Variants in PEBP4 observed in about 807,000 individuals in gnomAD.
PEBP4 encodes the protein phosphatidylethanolamine-binding protein 4.
A neutral mutation model predicts 23.9 loss-of-function variants in PEBP4; 22 were observed. The ratio of observed to expected loss-of-function variants is 0.92; its 90% CI spans 0.66 to 1.31. The LOEUF (loss-of-function observed/expected upper bound fraction) is 1.31. Ranked by LOEUF, PEBP4 falls within the 40% of genes most tolerant of loss-of-function variation. PEBP4 has a pLI of 0.00. For synonymous variants in PEBP4, 112 were observed against 99.3 expected, an observed-to-expected ratio of 1.13 and a Z score of -0.76; for missense variants, 324 against 281.7, an observed-to-expected ratio of 1.15 and a Z score of -1.07.
intron 6 of PEBP4, among the ~76,000 whole-genome samples, chr8:22,723,795 C>G (rs1023802924): frequency 3.9e-5 from 6 of 152,196 alleles, no homozygotes; most frequent in African/African-American, 1.4e-4. Context: ...GGCCTGGAGC[C>G]CTCTGTGATA....
chr8:22,725,506 G>A (rs1194669436), intron 5 of PEBP4, among the ~76,000 whole-genome samples: 2 of 152,060 alleles, frequency 1.3e-5, no homozygotes, highest in Admixed American at 1.3e-4. Context: ...GGGGCATCAG[G>A]GAGAAGTTCC....
rs183116989 is a variant in PEBP4 at position 22,763,332 on chromosome 8, C to G, written c.358-36112G>C. On this transcript the variant is annotated intron_variant, in intron 4 of 6. Coordinates refer to ENST00000256404, the MANE Select transcript of PEBP4 (RefSeq NM_144962.3). The stretch of plus-strand genomic sequence containing the variant: ...AAGAAGTCTTAAACCCCTTGGGTTT[C>G]TTCTTGAATCCCACTCCACAATATC... 1.4e-3 allele frequency among the ~76,000 whole-genome samples: 211 copies of G among 152,340 alleles called. 1 individual carries two copies. The highest frequency in any genetic ancestry group is 2.3e-3 in the Non-Finnish European group (157 of 68,024).
intron 4 of PEBP4, among the ~76,000 whole-genome samples, chr8:22,804,789 C>T (rs768304199): frequency 2.0e-5 from 3 of 152,110 alleles, no homozygotes; most frequent in Non-Finnish European, 2.9e-5. Context: ...GTTAGAACCT[C>T]CATCCTTCCT....
At chr8:22,827,506 T>C (rs1429270239) in intron 3 of PEBP4, among the ~76,000 whole-genome samples, 1 of 152,208 alleles carries the variant, frequency 6.6e-6, no homozygotes, top group Non-Finnish European at 1.5e-5. Context: ...TGTTTTTTTT[T>C]GTGTTGGCAT....
chr8:22,939,363 T>G (rs1809579821), intron 1 of PEBP4, among the ~76,000 whole-genome samples: 1 of 151,938 alleles, frequency 6.6e-6, no homozygotes, highest in South Asian at 2.1e-4. Flanking sequence ...AGCCCTTCAA[T>G]GAAAAGGAAA....
chr8:22,800,844 C>T (rs1296612638), intron 4 of PEBP4, among the ~76,000 whole-genome samples: 2 of 152,160 alleles, frequency 1.3e-5, no homozygotes, highest in African/African-American at 4.8e-5. Context: ...TGCCAGTTTC[C>T]TTTCTTACAT....
intron 6 of PEBP4, among the ~76,000 whole-genome samples, chr8:22,717,462 A>G (rs966048633): frequency 1.0e-4 from 6 of 57,956 alleles, no homozygotes; most frequent in African/African-American, 4.0e-4. Context: ...ATGTATTTCC[A>G]TCCTGATGTA....
intron 4 of PEBP4, among the ~76,000 whole-genome samples, chr8:22,742,238 C>T (rs1038431432): frequency 6.6e-6 from 1 of 152,238 alleles, no homozygotes; most frequent in African/African-American, 2.4e-5. Flanking sequence ...AAGCAAGGGG[C>T]CTTTAATGAA....
chr8:22,716,569 G>T (rs1156494778), intron 6 of PEBP4, among the ~76,000 whole-genome samples: 1 of 152,216 alleles, frequency 6.6e-6, no homozygotes, highest in African/African-American at 2.4e-5. Context: ...AAAGGCCCTG[G>T]GGCAGGTCTT....
intron 4 of PEBP4, among the ~76,000 whole-genome samples, chr8:22,773,418 G>C (rs1805754427): frequency 6.6e-6 from 1 of 152,142 alleles, no homozygotes; most frequent in African/African-American, 2.4e-5. Flanking sequence ...CGTGACCCCA[G>C]GGAAGAAAGG....
chr8:22,734,214 G>A (rs758068960), intron 4 of PEBP4, among the ~76,000 whole-genome samples: 4 of 152,238 alleles, frequency 2.6e-5, no homozygotes, highest in East Asian at 1.9e-4. Context: ...CCCAGGGGCC[G>A]CCTAACGCCA....
chr8:22,858,213 C>T (rs1329101484), intron 3 of PEBP4, among the ~76,000 whole-genome samples: 1 of 151,970 alleles, frequency 6.6e-6, no homozygotes, highest in African/African-American at 2.4e-5. Flanking sequence ...AGGAATCGTT[C>T]AGCTTCCTGC....
At chr8:22,856,732 A>G (rs566366738) in intron 3 of PEBP4, among the ~76,000 whole-genome samples, 6 of 151,770 alleles carry the variant, frequency 4.0e-5, no homozygotes, top group Admixed American at 3.9e-4. Context: ...TAAATAAATA[A>G]ATAAATATAT....
intron 4 of PEBP4, among the ~76,000 whole-genome samples, chr8:22,781,905 G>C (rs1265546783): frequency 3.9e-5 from 6 of 152,176 alleles, no homozygotes; most frequent in Non-Finnish European, 8.8e-5. Flanking sequence ...TCTCAGCAAG[G>C]CCCAGGTAAC....
intron 4 of PEBP4, among the ~76,000 whole-genome samples, chr8:22,740,952 A>G (rs1293704630): frequency 1.3e-5 from 2 of 152,072 alleles, no homozygotes; most frequent in Non-Finnish European, 2.9e-5. Flanking sequence ...TTTCCCCCAG[A>G]TCATGCTCCC....
chr8:22,927,933 A>G, upstream of PEBP4: 1 of 537,806 alleles, frequency 1.9e-6, no homozygotes, highest in Non-Finnish European at 3.2e-6. Flanking sequence ...TCCAAGTTGG[A>G]CTCAATGTAC....
intron 3 of PEBP4, among the ~76,000 whole-genome samples, chr8:22,839,142 C>T (rs1487307521): frequency 6.6e-6 from 1 of 152,206 alleles, no homozygotes; most frequent in East Asian, 1.9e-4. Context: ...TTCCGGCCTG[C>T]AAAGGTGGCG....
chr8:22,804,551 T>C (rs1011486833), intron 4 of PEBP4, among the ~76,000 whole-genome samples: 2 of 152,168 alleles, frequency 1.3e-5, no homozygotes, highest in African/African-American at 4.8e-5. Flanking sequence ...AGTATGGTAC[T>C]ACTAAGTATA....
At chr8:22,747,299 C>T (rs1805142962) in intron 4 of PEBP4, among the ~76,000 whole-genome samples, 1 of 152,194 alleles carries the variant, frequency 6.6e-6, no homozygotes. Flanking sequence ...TGCCCCCACC[C>T]TTGTTCAGGC....
Sources: gnomAD v4.1 joint callset for allele counts (sites outside exome capture counted in the v4.1 genomes callset) on GRCh38, gnomAD v4.1.1 for gene constraint, MANE v1.5 for transcripts, NCBI Gene and HGNC (gene_info 2026-07-23, HGNC 2026-07-21) for gene names.